Variants in CTNND2 observed in about 807,000 individuals in gnomAD.
CTNND2 encodes the protein catenin delta 2, also known as catenin delta-2.
Under a neutral mutation model 144.4 loss-of-function variants are expected in CTNND2, and 22 were observed. The ratio of observed to expected loss-of-function variants is 0.15; its 90% CI spans 0.11 to 0.22. The LOEUF is 0.22. Among genes scored for constraint, CTNND2 ranks in the 10% least tolerant of loss-of-function variants. The probability of loss-of-function intolerance (pLI) is 1.00; values close to 1 mark genes in which losing one functional copy is unlikely to be tolerated. For missense variants in CTNND2, 1,353 were observed against 1,618.8 expected, an observed-to-expected ratio of 0.84 and a Z score of 2.82; for synonymous variants, 751 against 695.6, an observed-to-expected ratio of 1.08 and a Z score of -1.25.
chr5:11,758,284 T>C (rs919695566), intron 1 of CTNND2, among the ~76,000 whole-genome samples: 3 of 151,990 alleles, frequency 2.0e-5, no homozygotes, highest in Non-Finnish European at 2.9e-5. Flanking sequence ...TTTTGATATA[T>C]ATTTATGGTG....
chr5:11,856,169 A>G (rs1228427517), intron 1 of CTNND2, among the ~76,000 whole-genome samples: 2 of 152,238 alleles, frequency 1.3e-5, no homozygotes, highest in African/African-American at 2.4e-5. Flanking sequence ...TTATAATATT[A>G]TAAGGTATTC....
At chr5:11,484,596 C>G (rs1052151996) in intron 3 of CTNND2, among the ~76,000 whole-genome samples, 4 of 152,024 alleles carry the variant, frequency 2.6e-5, no homozygotes, top group Admixed American at 6.5e-5. Context: ...CCAAATATGC[C>G]CCCCATATAT....
At position 11,076,261 on chromosome 5, in the gene CTNND2, G is replaced by T. The variant is rs192779043; in HGVS notation, c.2788+6435C>A. Among the ~76,000 whole-genome samples the T allele has an allele frequency of 1.3e-3, 192 of 152,314 alleles. 1 individual carries two copies. Among genetic ancestry groups the T allele is most frequent in the Middle Eastern group, 3.4e-3 (1 of 294 alleles). ...ATCAGGAAAGGCCACTGCAAGGTGG[G>T]CTTTGAATGGTGGTGGCAGGTAGTA... On this transcript the variant is annotated intron_variant, in intron 16 of 21. Transcript: ENST00000304623.
intron 21 of CTNND2, among the ~76,000 whole-genome samples, chr5:10,980,252 C>T (rs554929157): frequency 1.0e-3 from 155 of 152,082 alleles, no homozygotes; most frequent in Non-Finnish European, 1.6e-3. Flanking sequence ...TGAACAGACA[C>T]TTCTCAAAAG....
chr5:11,144,541 T>C (rs1469389778), intron 12 of CTNND2, among the ~76,000 whole-genome samples: 1 of 151,980 alleles, frequency 6.6e-6, no homozygotes, highest in African/African-American at 2.4e-5. Flanking sequence ...GCTGAGTGAG[T>C]CAGGGTAAGG....
At chr5:11,662,190 TATATGTGTATATATGTATATATATAC>T (rs1783276682) in intron 2 of CTNND2, among the ~76,000 whole-genome samples, 3 of 139,358 alleles carry the variant, frequency 2.2e-5, no homozygotes, top group Admixed American at 1.4e-4. Context: ...TATATGTGTA[TATATGTGTATATATGTATATATATAC>T]ATATATGTGT....
intron 1 of CTNND2, among the ~76,000 whole-genome samples, chr5:11,788,511 A>G (rs575556602): frequency 6.6e-5 from 10 of 152,296 alleles, no homozygotes; most frequent in Middle Eastern, 3.4e-3. Flanking sequence ...CATTAAGACA[A>G]CAGCACTGAT....
At chr5:11,768,603 C>A (rs182005932) in intron 1 of CTNND2, among the ~76,000 whole-genome samples, 2 of 152,114 alleles carry the variant, frequency 1.3e-5, no homozygotes, top group African/African-American at 4.8e-5. Context: ...TATTAAATAG[C>A]CAAAACATCT....
At chr5:11,637,590 G>A (rs1432941938) in intron 2 of CTNND2, among the ~76,000 whole-genome samples, 2 of 151,980 alleles carry the variant, frequency 1.3e-5, no homozygotes, top group Admixed American at 1.3e-4. Context: ...AATTAGACTA[G>A]CACACACATT....
rs543345960 is a variant in CTNND2, at chr5:11,207,224, T to TG, written c.1762-7564dup. On this transcript the variant is annotated intron_variant, in intron 10 of 21. Transcript: ENST00000304623. ...ACACAGGGAGGGGAACATCACACAC[T>TG]GGGGCCTGTTGGGGGGTGTGGGGCT... Among the ~76,000 whole-genome samples, 601 of 151,850 alleles carry TG rather than the reference T, an allele frequency of 4.0e-3. 3 individuals are homozygous for TG. Among genetic ancestry groups the TG allele is most frequent in the Non-Finnish European group, 3.7e-3 (248 of 67,944 alleles).
intron 1 of CTNND2, among the ~76,000 whole-genome samples, chr5:11,812,466 A>G (rs1275014569): frequency 6.6e-6 from 1 of 152,112 alleles, no homozygotes; most frequent in Non-Finnish European, 1.5e-5. Context: ...AGTAACAGAC[A>G]CTGTGGAGTT....
chr5:11,877,297 T>C (rs1205365132), intron 1 of CTNND2, among the ~76,000 whole-genome samples: 5 of 152,162 alleles, frequency 3.3e-5, no homozygotes, highest in African/African-American at 4.8e-5. Flanking sequence ...GAGTACTTAG[T>C]TCACTAATTA....
intron 3 of CTNND2, among the ~76,000 whole-genome samples, chr5:11,511,027 AATAGG>A (rs1771590003): frequency 6.6e-6 from 1 of 152,226 alleles, no homozygotes; most frequent in Admixed American, 6.5e-5. Context: ...TACATGACAA[AATAGG>A]AAACTTCCAT....
chr5:11,317,028 C>T (rs992596731), intron 9 of CTNND2, among the ~76,000 whole-genome samples: 4 of 152,174 alleles, frequency 2.6e-5, no homozygotes, highest in Non-Finnish European at 5.9e-5. Context: ...AGACACTTCT[C>T]AAAAGAAGAC....
intron 1 of CTNND2, among the ~76,000 whole-genome samples, chr5:11,792,744 A>G (rs2126871431): frequency 1.3e-5 from 2 of 152,332 alleles, no homozygotes; most frequent in South Asian, 2.1e-4. Flanking sequence ...TCCACCAATA[A>G]AACAGCAATG....
rs1005259971 is a variant in CTNND2 at position 11,033,723 on chromosome 5, G to A, written c.2789-10744C>T. On this transcript the variant is annotated intron_variant, in intron 16 of 21. Coordinates refer to ENST00000304623, the MANE Select transcript of CTNND2 (RefSeq NM_001332.4). ...CGGGAGCCTGTAATCCCAGTTACTC[G>A]GGAGGTTGAGGCAGGAGAATCGCTT... Among the ~76,000 whole-genome samples the A allele has an allele frequency of 3.4e-4, 52 of 152,010 alleles. 1 individual carries two copies. The highest frequency in any genetic ancestry group is 1.2e-4 in the Non-Finnish European group (8 of 67,974).
intron 3 of CTNND2, among the ~76,000 whole-genome samples, chr5:11,463,313 T>C (rs548271900): frequency 3.3e-5 from 5 of 152,340 alleles, no homozygotes; most frequent in African/African-American, 1.2e-4. Flanking sequence ...GTTATATAAA[T>C]ATGCAAATGT....
At chr5:11,370,173 G>GTTTTT in intron 7 of CTNND2, among the ~76,000 whole-genome samples, 1 of 137,460 alleles carries the variant, frequency 7.3e-6, no homozygotes, top group South Asian at 2.3e-4. Context: ...AACTACTTGG[G>GTTTTT]TTTTTTTTTT....
At chr5:11,754,545 T>C (rs528955942) in intron 1 of CTNND2, among the ~76,000 whole-genome samples, 3 of 151,852 alleles carry the variant, frequency 2.0e-5, no homozygotes, top group South Asian at 4.1e-4. Flanking sequence ...TCTAATATTG[T>C]CAGTGGGGTG....
Sources: allele counts gnomAD v4.1 joint callset (sites outside exome capture counted in the v4.1 genomes callset), GRCh38; gene constraint gnomAD v4.1.1; transcripts MANE v1.5; gene names NCBI Gene and HGNC (gene_info 2026-07-23, HGNC 2026-07-21).